FBP1: variants seen among roughly 807,000 people sequenced by gnomAD.
FBP1 encodes fructose-1,6-bisphosphatase 1.
FBP1 carries 22 observed loss-of-function variants against 29.9 expected under a neutral mutation model. That is an observed-to-expected ratio of 0.74 (90% CI 0.53 to 1.05). FBP1 has a LOEUF of 1.05. Ranked by LOEUF, FBP1 falls within the 50% of genes least tolerant of loss-of-function variation. The pLI, the probability that FBP1 is intolerant of heterozygous loss-of-function variation, is 0.00. For synonymous variants in FBP1, 175 were observed against 178.6 expected (o/e 0.98, Z 0.16); for missense variants, 345 against 448.2 (o/e 0.77, Z 2.08).
intron 1 of FBP1, among the ~76,000 whole-genome samples, chr9:94,630,034 T>A (rs1279771817): frequency 6.6e-6 from 1 of 152,154 alleles, no homozygotes; most frequent in African/African-American, 2.4e-5. Flanking sequence ...ACCAGGTAAA[T>A]GCCGAGTGTA....
intron 1 of FBP1, among the ~76,000 whole-genome samples, chr9:94,635,100 A>AC (rs890226843): frequency 6.6e-6 from 1 of 151,858 alleles, no homozygotes; most frequent in African/African-American, 2.4e-5. Flanking sequence ...AAAAAAAAAA[A>AC]AAAAAAAAAA....
chr9:94,624,824 G>T (rs1828000161), intron 1 of FBP1, among the ~76,000 whole-genome samples: 1 of 152,140 alleles, frequency 6.6e-6, no homozygotes, highest in African/African-American at 2.4e-5. Flanking sequence ...GGTACTATGT[G>T]CACATTTATA....
At position 94,628,095 on chromosome 9, in the gene FBP1, T is replaced by C. The variant is rs535377463; in HGVS notation, c.171-7604A>G. ...GGAAATGTTTTCTGAATAAAAGTTA[T>C]CACAGAGGTGGCCAGACACAGTGGC... is the stretch of plus-strand genomic sequence containing the variant. On this transcript the variant is annotated intron_variant, in intron 1 of 6. Transcript: ENST00000375326. 7.9e-5 allele frequency among the ~76,000 whole-genome samples: 12 copies of C among 152,312 alleles called. No individual in the cohort carries two copies. The South Asian group carries it at 2.5e-3, about 32-fold the overall frequency.
chr9:94,630,242 C>A (rs1234491206), intron 1 of FBP1, among the ~76,000 whole-genome samples: 1 of 152,140 alleles, frequency 6.6e-6, no homozygotes, highest in African/African-American at 2.4e-5. Context: ...ATAAAAGGAT[C>A]CAAGAATTCC....
At chr9:94,614,562 G>C (rs537543548) in intron 3 of FBP1, among the ~76,000 whole-genome samples, 20 of 152,136 alleles carry the variant, frequency 1.3e-4, no homozygotes, top group African/African-American at 3.6e-4. Flanking sequence ...GTAGTAGTCG[G>C]TAGGCCCTGG....
rs573120681 is a variant in FBP1 at position 94,607,021 on chromosome 9, G to A, written c.568-69C>T. ...TGGGTCCCCCAGGCCTGGATGAGGC[G>A]AGCGATGGGCTGGGCTACGCTGGGC... is the stretch of plus-strand genomic sequence containing the variant. On this transcript the variant is annotated intron_variant, in intron 4 of 6. Transcript: ENST00000375326. The A allele has an allele frequency of 1.2e-4, 187 of 1,602,724 alleles. No individual in the cohort carries two copies. The African/African-American group carries it at 1.8e-3, about 16-fold the overall frequency.
At chr9:94,622,459 G>A (rs1055583918) in intron 1 of FBP1, among the ~76,000 whole-genome samples, 1 of 152,226 alleles carries the variant, frequency 6.6e-6, no homozygotes, top group African/African-American at 2.4e-5. Context: ...TTCAGCTCCT[G>A]CAAGTGCATT....
At chr9:94,614,868 G>C (rs758958630) in intron 3 of FBP1, among the ~76,000 whole-genome samples, 10 of 152,190 alleles carry the variant, frequency 6.6e-5, no homozygotes, top group Non-Finnish European at 1.2e-4. Context: ...TTAGAGGTCT[G>C]TGTCATACTC....
intron 1 of FBP1, among the ~76,000 whole-genome samples, chr9:94,626,032 C>T (rs936424813): frequency 1.3e-5 from 2 of 152,184 alleles, no homozygotes; most frequent in Non-Finnish European, 2.9e-5. Flanking sequence ...TCCATGACCC[C>T]GCTGGGTGGT....
rs373067464 is a variant in FBP1 at position 94,609,992 on chromosome 9, C to T, written c.496G>A (p.Ala166Thr). The change falls in exon 4 of 7, where the codon GCA becomes ACA. Residue 166 changes from alanine to threonine, a missense_variant. By Grantham distance (58) the Ala-to-Thr change is moderately conservative. Transcript: ENST00000375326. ...PGRNLVAAGY[A>T]LYGSATMLVL... ...AGCATGGTGGCACTGCCATACAGTG[C>T]GTAGCCGGCTGCCACCAGGTTCCGG... 24 of 1,614,020 alleles carry T rather than the reference C, an allele frequency of 1.5e-5. No homozygotes were observed. Among genetic ancestry groups the T allele is most frequent in the African/African-American group, 2.7e-5 (2 of 74,924 alleles).
At chr9:94,633,397 C>T (rs1325133842) in intron 1 of FBP1, among the ~76,000 whole-genome samples, 2 of 152,218 alleles carry the variant, frequency 1.3e-5, no homozygotes, top group Non-Finnish European at 2.9e-5. Flanking sequence ...AAAAAACTTT[C>T]AAAATCCTTG....
intron 3 of FBP1, among the ~76,000 whole-genome samples, chr9:94,610,468 C>T (rs1019375557): frequency 3.3e-5 from 5 of 152,206 alleles, no homozygotes; most frequent in South Asian, 2.1e-4. Flanking sequence ...AGCCAGTCTG[C>T]GGAGGAAATC....
In FBP1 at chr9:94,620,316, A is replaced by T. The variant is rs767625379; in HGVS notation, c.333+13T>A. ...CTACATTAAAACCCTCAATGGTGGA[A>T]GTACAGACCCACCCTTTTCTCCGGT... On this transcript the variant is annotated intron_variant, in intron 2 of 6. Coordinates refer to ENST00000375326, the MANE Select transcript of FBP1 (RefSeq NM_000507.4). The T allele has an allele frequency of 6.2e-7, 1 of 1,613,534 alleles. No individual in the cohort carries two copies. The highest frequency in any genetic ancestry group is 8.5e-7 in the Non-Finnish European group (1 of 1,179,540).
intron 5 of FBP1, 55 bp from the exon 6 acceptor site, chr9:94,605,631 T>G (rs554810742): frequency 3.8e-6 from 6 of 1,576,900 alleles, no homozygotes; most frequent in Non-Finnish European, 5.2e-6. Flanking sequence ...AAGAGAGTTT[T>G]CTTGGTGTCT....
At chr9:94,605,110 C>T (rs28369763) in intron 6 of FBP1, among the ~76,000 whole-genome samples, 1,761 of 152,250 alleles carry the variant, frequency 0.012, 18 homozygotes, top group Non-Finnish European at 0.017. Context: ...ACATTTGATT[C>T]GCTGCCTTGG....
intron 1 of FBP1, among the ~76,000 whole-genome samples, chr9:94,624,345 A>AC: frequency 7.3e-6 from 1 of 136,408 alleles, no homozygotes; most frequent in Non-Finnish European, 1.6e-5. Context: ...CTCAAAAAAA[A>AC]AAAAAAAAAA....
rs538531022 is a variant in FBP1 at position 94,620,697 on chromosome 9, A to G, written c.171-206T>C. On this transcript the variant is annotated intron_variant, in intron 1 of 6. Transcript: ENST00000375326. ...CAAACACCACATGTTCTCACTCATA[A>G]ATGGGAGTTGAACAATGAGAACACA... is the stretch of plus-strand genomic sequence containing the variant. 4.6e-5 allele frequency among the ~76,000 whole-genome samples: 7 copies of G among 152,328 alleles called. No homozygotes were observed. The South Asian group carries it at 1.2e-3, about 27-fold the overall frequency.
rs756835525 is a variant in FBP1 at position 94,606,848 on chromosome 9, G to A, written c.672C>T (p.Val224=). The change falls in exon 5 of 7, where the codon GTC becomes GTT. Residue 224 remains valine (V), a synonymous_variant. Transcript: ENST00000375326. ...EGYARDFDPA[V]TEYIQRKKFP... is the part of the protein sequence containing the mutation. Reference sequence around the variant, plus strand: ...ACTTCTTCCTCTGGATGTACTCAGTGACGGCAGGGTCAAAGTCCCTGGCGT... The same window carrying A: ...ACTTCTTCCTCTGGATGTACTCAGTAACGGCAGGGTCAAAGTCCCTGGCGT... 1.6e-5 allele frequency: 26 copies of A among 1,613,864 alleles called. No homozygotes were observed. In the Admixed American group the frequency reaches 4.3e-4, roughly 27 times the overall value.
In FBP1 at chr9:94,639,170, C is replaced by T. The variant is rs148976582; in HGVS notation, c.141G>A (p.Ser47=). Reference sequence around the variant, plus strand: ...GCGCGATGCCCGCCTTGCGCACCGCCGAAGAGATGGCTTTGACTGCTGTGC... The same window carrying T: ...GCGCGATGCCCGCCTTGCGCACCGCTGAAGAGATGGCTTTGACTGCTGTGC... The part of the protein sequence containing the change: ...SLCTAVKAIS[S]AVRKAGIAHL... Residue 47 remains serine, a synonymous_variant, in exon 1 of 7, where the codon TCG becomes TCA. Transcript: ENST00000375326. 5 of 1,605,190 alleles carry T rather than the reference C, an allele frequency of 3.1e-6. No individual in the cohort carries two copies. The South Asian group carries it at 5.6e-5, about 18-fold the overall frequency.
Sources: allele counts gnomAD v4.1 joint callset (sites outside exome capture counted in the v4.1 genomes callset), GRCh38; gene constraint gnomAD v4.1.1; transcripts MANE v1.5; gene names NCBI Gene and HGNC (gene_info 2026-07-23, HGNC 2026-07-21).